Variants in ANKRD62 observed in about 807,000 individuals in gnomAD.
The protein encoded by ANKRD62 is ankyrin repeat domain-containing protein 62.
ANKRD62 carries 61 observed loss-of-function variants against 98.8 expected under a neutral mutation model. That is an observed-to-expected ratio of 0.62 (90% CI 0.50 to 0.76). The LOEUF (loss-of-function observed/expected upper bound fraction) is 0.76. Ranked by LOEUF, ANKRD62 falls within the 30% of genes least tolerant of loss-of-function variation. The pLI is 0.00. For synonymous variants in ANKRD62, 341 were observed against 367.9 expected, an observed-to-expected ratio of 0.93 and a Z score of 0.84; for missense variants, 933 against 1,082.9, an observed-to-expected ratio of 0.86 and a Z score of 1.94.
intron 10 of ANKRD62, among the ~76,000 whole-genome samples, chr18:12,120,750 T>C (rs1024293028): frequency 6.6e-6 from 1 of 152,210 alleles, no homozygotes; most frequent in Non-Finnish European, 1.5e-5. Flanking sequence ...TTTCTATGAT[T>C]TGATTTCATA....
At chr18:12,114,673 TATC>T (rs1909621448) in intron 8 of ANKRD62, among the ~76,000 whole-genome samples, 1 of 152,158 alleles carries the variant, frequency 6.6e-6, no homozygotes, top group African/African-American at 2.4e-5. Context: ...TAGCTAATGT[TATC>T]ATTAAAAAAG....
In ANKRD62 at chr18:12,099,656, G is replaced by C; in HGVS notation, c.794G>C (p.Cys265Ser). ...TCTGAATATAAAGCAAACAAGAGAT[G>C]TAAAAGTCTTCAAAATAGCAATTCA... ...MISEYKANKRCKSLQNSNSEQ... is the reference protein window; with the variant it reads ...MISEYKANKRSKSLQNSNSEQ... The change falls in exon 6 of 14, where the codon TGT (cysteine) becomes TCT (serine). Residue 265 changes from cysteine to serine, a missense_variant. Transcript: ENST00000587848. The C allele has an allele frequency of 6.7e-7, 1 of 1,484,614 alleles. No homozygotes were observed. Among genetic ancestry groups the C allele is most frequent in the South Asian group, 1.3e-5 (1 of 74,566 alleles). The allele number at this position is 1,484,614 out of a possible 1,614,324, so 92.0% of individuals were successfully genotyped here. A position where few individuals can be genotyped will look rare whatever the true frequency, so the allele number is the denominator to read the frequency against.
chr18:12,170,000 T>C, the ANKRD62 span, among the ~76,000 whole-genome samples: 2 of 152,330 alleles, frequency 1.3e-5, 1 homozygote, highest in Middle Eastern at 6.8e-3. Context: ...TTTTATTGCA[T>C]CTATTTGATT....
chr18:12,095,674 A>G (rs1467814048), intron 3 of ANKRD62, 64 bp downstream of exon 3: 1 of 1,366,000 alleles, frequency 7.3e-7, no homozygotes, highest in African/African-American at 1.5e-5. Flanking sequence ...TTGACATATG[A>G]TTTTTTTTAG....
intron 10 of ANKRD62, among the ~76,000 whole-genome samples, chr18:12,121,424 A>G (rs1909779099): frequency 6.6e-6 from 1 of 151,922 alleles, no homozygotes; most frequent in Non-Finnish European, 1.5e-5. Flanking sequence ...ATCTTTTTCT[A>G]TCGTGTCCCC....
chr18:12,165,248 T>C, the ANKRD62 span, among the ~76,000 whole-genome samples: 1 of 152,036 alleles, frequency 6.6e-6, no homozygotes, highest in African/African-American at 2.4e-5. Flanking sequence ...TGTCTTTTTA[T>C]TGGAGAATTT....
the ANKRD62 span, among the ~76,000 whole-genome samples, chr18:12,139,191 C>A: frequency 6.6e-6 from 1 of 152,174 alleles, no homozygotes; most frequent in Non-Finnish European, 1.5e-5. Context: ...CCGGTTGTTC[C>A]TTTCCATGTT....
chr18:12,094,314 A>G, intron 1 of ANKRD62, 79 bp downstream of exon 1: 5 of 983,578 alleles, frequency 5.1e-6, no homozygotes, highest in Non-Finnish European at 6.5e-6. Context: ...TAGGGGAGAT[A>G]CGGTGTGGGG....
chr18:12,111,534 C>T (rs139525385), intron 8 of ANKRD62, among the ~76,000 whole-genome samples: 1,573 of 152,196 alleles, frequency 0.01, 33 homozygotes, highest in African/African-American at 0.036. Context: ...TTCTTTTCAA[C>T]GTAGTATTGT....
chr18:12,166,504 A>G, the ANKRD62 span, among the ~76,000 whole-genome samples: 9 of 152,104 alleles, frequency 5.9e-5, no homozygotes, highest in African/African-American at 1.9e-4. Flanking sequence ...TGTTAAATTT[A>G]TCTAATAAAA....
intron 7 of ANKRD62, 66 bp from the exon 8 acceptor site, chr18:12,107,229 A>G (rs1909433215): frequency 8.6e-7 from 1 of 1,160,394 alleles, no homozygotes; most frequent in African/African-American, 1.6e-5. Context: ...ATGAATGAAC[A>G]CAAAAAAGTT....
At chr18:12,136,136 G>A in the ANKRD62 span, among the ~76,000 whole-genome samples, 1,548 of 151,960 alleles carry the variant, frequency 0.01, 21 homozygotes, top group African/African-American at 0.035. Flanking sequence ...TGTCCTGAAT[G>A]GTATTGCCTA....
chr18:12,113,866 A>G (rs1189486119), intron 8 of ANKRD62, among the ~76,000 whole-genome samples: 2 of 152,212 alleles, frequency 1.3e-5, no homozygotes, highest in Non-Finnish European at 2.9e-5. Context: ...ACTATTCACA[A>G]TAGCAAAGAC....
chr18:12,102,540 A>G (rs995120406), intron 6 of ANKRD62: 1 of 325,612 alleles, frequency 3.1e-6, no homozygotes, highest in African/African-American at 2.1e-5. Flanking sequence ...CGGTTAAAAC[A>G]TAAACTCGCT....
At position 12,094,118 on chromosome 18, in the gene ANKRD62, T is replaced by G; in HGVS notation, c.101T>G (p.Val34Gly). 6.5e-7 allele frequency: 1 copy of G among 1,533,416 alleles called. No individual in the cohort carries two copies. Among genetic ancestry groups the G allele is most frequent in the Non-Finnish European group, 8.7e-7 (1 of 1,146,396 alleles). The allele number at this position is 1,533,416 out of a possible 1,614,324, so 95.0% of individuals were successfully genotyped here. A position where few individuals can be genotyped will look rare whatever the true frequency, so the allele number is the denominator to read the frequency against. The change falls in exon 1 of 14, where the codon GTC becomes GGC. Residue 34 changes from valine (V) to glycine (G), a missense_variant. Around this residue, in one of 3 missense-constraint regions of ANKRD62, gnomAD observed 549 missense variants for 587.9 expected, o/e 0.93. Transcript: ENST00000587848. ...GGCTTCTCAAATCCCGGGTACCGAG[T>G]CCGGCAGAAGGATCTGGGCATGATC... ...KDGFSNPGYR[V>G]RQKDLGMIHK...
chr18:12,115,629 A>T, intron 10 of ANKRD62, 95 bp downstream of exon 10: 1 of 1,093,332 alleles, frequency 9.1e-7, no homozygotes, highest in East Asian at 2.7e-5. Context: ...CTGATGTGTT[A>T]TAGGGATGTT....
chr18:12,179,583 A>T, the ANKRD62 span, among the ~76,000 whole-genome samples: 2 of 151,528 alleles, frequency 1.3e-5, no homozygotes, highest in Non-Finnish European at 2.9e-5. Context: ...ACAGTGGCAG[A>T]TACACCTGCA....
chr18:12,106,190 T>C (rs913355507), intron 7 of ANKRD62, among the ~76,000 whole-genome samples: 1 of 152,242 alleles, frequency 6.6e-6, no homozygotes, highest in South Asian at 2.1e-4. Flanking sequence ...TAATCACAAC[T>C]TCCGCATGTT....
chr18:12,124,784 T>C (rs892503627), intron 12 of ANKRD62, among the ~76,000 whole-genome samples: 11 of 152,208 alleles, frequency 7.2e-5, no homozygotes, highest in Non-Finnish European at 1.3e-4. Context: ...TGTGATGTGG[T>C]GGAGGACCAC....
Sources: allele counts gnomAD v4.1 joint callset (sites outside exome capture counted in the v4.1 genomes callset), GRCh38; gene constraint gnomAD v4.1.1; regional missense constraint gnomAD v4.1.1; transcripts MANE v1.5; gene names NCBI Gene and HGNC (gene_info 2026-07-23, HGNC 2026-07-21).